CPB2: variants seen among roughly 807,000 people sequenced by gnomAD.
CPB2 encodes carboxypeptidase B2, also known as carboxypeptidase B-like protein.
A neutral mutation model predicts 57.0 loss-of-function variants in CPB2; 54 were observed. That is an observed-to-expected ratio of 0.95 (90% confidence interval 0.76 to 1.19). The LOEUF (loss-of-function observed/expected upper bound fraction) is 1.19, where lower values mean the gene tolerates loss of function less well. Among genes scored for constraint, CPB2 ranks in the 50% most tolerant of loss-of-function variants. The pLI is 0.00. For missense variants in CPB2, 426 were observed against 512.0 expected, an observed-to-expected ratio of 0.83 and a Z score of 1.62; for synonymous variants, 189 against 178.1, an observed-to-expected ratio of 1.06 and a Z score of -0.49.
At chr13:46,089,497 G>A (rs2045259801) in intron 1 of CPB2, among the ~76,000 whole-genome samples, 1 of 152,134 alleles carries the variant, frequency 6.6e-6, no homozygotes. Context: ...AATGGAAGCA[G>A]CCAAGATCTC....
At chr13:46,101,884 C>A (rs933829775) in intron 1 of CPB2, among the ~76,000 whole-genome samples, 4 of 152,164 alleles carry the variant, frequency 2.6e-5, no homozygotes, top group Admixed American at 6.5e-5. Flanking sequence ...GGTGTATCCC[C>A]TGCTATGGTT....
At chr13:46,079,990 A>T (rs990073840) in intron 4 of CPB2, among the ~76,000 whole-genome samples, 11 of 152,076 alleles carry the variant, frequency 7.2e-5, no homozygotes, top group Non-Finnish European at 1.5e-4. Flanking sequence ...TTCCTGTGTT[A>T]CTCTTCTAGG....
In CPB2 at chr13:46,104,971, A is replaced by C; in HGVS notation, c.39T>G (p.Val13=). 5.6e-6 allele frequency: 9 copies of C among 1,614,022 alleles called. No homozygotes were observed. Among genetic ancestry groups the C allele is most frequent in the Non-Finnish European group, 7.6e-6 (9 of 1,179,916 alleles). The part of the protein sequence containing the change: ...LCSLAVLVPI[V]LFCEQHVFAF... The stretch of plus-strand genomic sequence containing the variant: ...CGAAGACATGCTGCTCACAGAAGAG[A>C]ACAATGGGTACAAGGACTGCAAGGC... Residue 13 remains valine, a synonymous_variant, in exon 1 of 11, where the codon GTT becomes GTG. Coordinates refer to ENST00000181383, the MANE Select transcript of CPB2 (RefSeq NM_001872.5).
At chr13:46,079,548 A>AG (rs1566408571) in intron 4 of CPB2, among the ~76,000 whole-genome samples, 9 of 147,574 alleles carry the variant, frequency 6.1e-5, no homozygotes, top group African/African-American at 1.0e-4. Context: ...AAAAAAAAAA[A>AG]AAAAAAAGAA....
intron 9 of CPB2, among the ~76,000 whole-genome samples, chr13:46,056,492 A>G (rs955456771): frequency 3.3e-5 from 5 of 152,224 alleles, no homozygotes; most frequent in African/African-American, 9.6e-5. Context: ...AACTAGCATC[A>G]TGGTATACAC....
intron 6 of CPB2, among the ~76,000 whole-genome samples, chr13:46,072,248 A>T (rs914517373): frequency 3.3e-5 from 5 of 152,184 alleles, no homozygotes; most frequent in Non-Finnish European, 7.4e-5. Flanking sequence ...AAAGAGTGAG[A>T]GACTTAAAAG....
intron 6 of CPB2, among the ~76,000 whole-genome samples, chr13:46,072,122 A>G (rs1239298343): frequency 6.6e-6 from 1 of 152,194 alleles, no homozygotes; most frequent in Non-Finnish European, 1.5e-5. Context: ...TCCCGAGAGT[A>G]CATGAATGAG....
At chr13:46,092,455 G>T (rs1159341987) in intron 1 of CPB2, among the ~76,000 whole-genome samples, 1 of 152,194 alleles carries the variant, frequency 6.6e-6, no homozygotes. Context: ...GGGGTATACA[G>T]TTGTATTACA....
chr13:46,071,474 T>C (rs940822414), intron 6 of CPB2, among the ~76,000 whole-genome samples: 2 of 152,068 alleles, frequency 1.3e-5, no homozygotes. Context: ...AAAGAGGAGT[T>C]GAGATGAGGT....
chr13:46,079,551 AAAAAG>A lies in CPB2; in HGVS notation c.385-655_385-651del, dbSNP rs149279745. On this transcript the variant is annotated intron_variant, in intron 4 of 10. Coordinates refer to ENST00000181383, the MANE Select transcript of CPB2 (RefSeq NM_001872.5). ...AGGAAAAAGCAAAAAAAAAAAAAAAAAAAAGAAAAGAAAAGAAAAGAAAAAAATTC... is the reference window on the plus strand; with the variant it reads ...AGGAAAAAGCAAAAAAAAAAAAAAAAAAAAGAAAAGAAAAGAAAAAAATTC... Among the ~76,000 whole-genome samples, 37 of 124,754 alleles carry A rather than the reference AAAAAG, an allele frequency of 3.0e-4. No individual in the cohort carries two copies. In the South Asian group the frequency reaches 3.5e-3, roughly 12 times the overall value. The allele number at this position is 124,754 out of a possible 152,430, so 81.8% of individuals were successfully genotyped here. A position where few individuals can be genotyped will look rare whatever the true frequency, so the allele number is the denominator to read the frequency against.
chr13:46,064,221 C>G (rs1977394), intron 8 of CPB2, among the ~76,000 whole-genome samples: 1 of 151,762 alleles, frequency 6.6e-6, no homozygotes, highest in African/African-American at 2.4e-5. Flanking sequence ...GATTGTGCCA[C>G]TGCACTCCAG....
intron 4 of CPB2, among the ~76,000 whole-genome samples, chr13:46,080,872 T>C (rs1465594806): frequency 1.3e-5 from 2 of 148,828 alleles, no homozygotes; most frequent in Non-Finnish European, 3.0e-5. Context: ...CTCTGGAGGC[T>C]GAGGCAGGAG....
At chr13:46,063,787 C>T (rs1019644219) in intron 8 of CPB2, among the ~76,000 whole-genome samples, 7 of 152,118 alleles carry the variant, frequency 4.6e-5, no homozygotes, top group Non-Finnish European at 1.0e-4. Flanking sequence ...AACTCAACAT[C>T]ATCGAATGCC....
intron 10 of CPB2, among the ~76,000 whole-genome samples, chr13:46,054,124 C>T (rs2044645467): frequency 6.6e-6 from 1 of 152,170 alleles, no homozygotes; most frequent in African/African-American, 2.4e-5. Flanking sequence ...TTCCCCTTCC[C>T]ATACCATCAA....
chr13:46,093,191 G>C (rs1170613019), intron 1 of CPB2, among the ~76,000 whole-genome samples: 2 of 152,134 alleles, frequency 1.3e-5, no homozygotes, highest in East Asian at 3.9e-4. Context: ...GGGATTACAG[G>C]CGTGAGCCAC....
At chr13:46,098,296 GGA>G (rs1329846281) in intron 1 of CPB2, 1 of 152,204 alleles carries the variant, frequency 6.6e-6, no homozygotes, top group African/African-American at 2.4e-5. Context: ...AACGGGTAGG[GGA>G]GAAGAGGAAT....
Position 46,067,336 on chromosome 13 carries a change from C to T in CPB2, c.673G>A (p.Val225Met), listed in dbSNP as rs1365252612. Residue 225 changes from valine (V) to methionine (M), a missense_variant, in exon 7 of 11, where the codon GTG becomes ATG. Val to Met is a conservative substitution (Grantham distance 21). Coordinates refer to ENST00000181383, the MANE Select transcript of CPB2 (RefSeq NM_001872.5). ...TTCCATGAGTAGTCATAACCATCCA[C>T]ATTAACCACTGGCATAACATAGAAA... ...VDFYVMPVVNVDGYDYSWKKN... is the reference protein window; with the variant it reads ...VDFYVMPVVNMDGYDYSWKKN... 1 of 1,580,408 alleles carries T rather than the reference C, an allele frequency of 6.3e-7. No individual in the cohort carries two copies. The highest frequency in any genetic ancestry group is 8.7e-7 in the Non-Finnish European group (1 of 1,149,648).
intron 2 of CPB2, among the ~76,000 whole-genome samples, chr13:46,086,415 G>A (rs1040488067): frequency 6.6e-6 from 1 of 152,096 alleles, no homozygotes. Flanking sequence ...GCTCCTCTCT[G>A]CAGCCAGGGT....
intron 5 of CPB2, among the ~76,000 whole-genome samples, chr13:46,076,401 A>AG (rs2045023082): frequency 6.6e-6 from 1 of 151,744 alleles, no homozygotes; most frequent in Admixed American, 6.6e-5. Context: ...ATGACCAAAA[A>AG]AAAAAACCTA....
Sources: allele counts gnomAD v4.1 joint callset (sites outside exome capture counted in the v4.1 genomes callset), GRCh38; gene constraint gnomAD v4.1.1; transcripts MANE v1.5; gene names NCBI Gene and HGNC (gene_info 2026-07-23, HGNC 2026-07-21).